The following LRRFIP2 variants were observed in gnomAD, a reference collection of about 807,000 sequenced individuals.
LRRFIP2 encodes leucine-rich repeat flightless-interacting protein 2.
Under a neutral mutation model 125.9 loss-of-function variants are expected in LRRFIP2, and 109 were observed. That is an observed-to-expected ratio of 0.87 (90% confidence interval 0.74 to 1.01). The LOEUF is 1.01. LRRFIP2 is among the 50% of genes least tolerant of loss of function. The pLI is 0.00. For synonymous variants in LRRFIP2, 291 were observed against 293.1 expected, an observed-to-expected ratio of 0.99 and a Z score of 0.07; for missense variants, 850 against 862.3, an observed-to-expected ratio of 0.99 and a Z score of 0.18.
intron 2 of LRRFIP2, among the ~76,000 whole-genome samples, chr3:37,141,558 C>T (rs938874817): frequency 1.3e-4 from 20 of 152,120 alleles, no homozygotes; most frequent in African/African-American, 4.1e-4. Context: ...ACATTTATTT[C>T]GCATTTGATT....
chr3:37,102,508 T>C (rs2094118405), intron 15 of LRRFIP2, among the ~76,000 whole-genome samples: 1 of 150,320 alleles, frequency 6.7e-6, no homozygotes, highest in Non-Finnish European at 1.5e-5. Context: ...CTTTTTTTTT[T>C]TTTTTTTTGA....
chr3:37,109,091 G>T (rs2149407211), intron 11 of LRRFIP2, among the ~76,000 whole-genome samples: 1 of 152,252 alleles, frequency 6.6e-6, no homozygotes, highest in South Asian at 2.1e-4. Context: ...ACAACAAACA[G>T]CTTGAAAGCA....
intron 21 of LRRFIP2, among the ~76,000 whole-genome samples, chr3:37,071,883 AT>A (rs1482348616): frequency 6.6e-6 from 1 of 152,024 alleles, no homozygotes; most frequent in Admixed American, 6.6e-5. Flanking sequence ...ACTGGAGGGA[AT>A]TTTTTCCAGC....
intron 8 of LRRFIP2, 104 bp downstream of exon 8, chr3:37,112,811 T>TGA: frequency 1.7e-6 from 1 of 597,048 alleles, no homozygotes; most frequent in East Asian, 2.8e-5. Context: ...TTTCAGCAGA[T>TGA]TATCAAGTTT....
chr3:37,140,269 C>T (rs1300831599), intron 2 of LRRFIP2: 1 of 152,072 alleles, frequency 6.6e-6, no homozygotes, highest in Non-Finnish European at 1.5e-5. Flanking sequence ...AATCTCTATG[C>T]CCAAGCTAGA....
At chr3:37,151,219 C>T (rs1013421759) in intron 1 of LRRFIP2, among the ~76,000 whole-genome samples, 13 of 151,936 alleles carry the variant, frequency 8.6e-5, no homozygotes, top group South Asian at 4.1e-4. Flanking sequence ...ATTAGCTGGG[C>T]GAGGTGGCAC....
At chr3:37,077,892 A>G (rs1202886534) in intron 19 of LRRFIP2, among the ~76,000 whole-genome samples, 1 of 152,184 alleles carries the variant, frequency 6.6e-6, no homozygotes, top group African/African-American at 2.4e-5. Flanking sequence ...GAAGTAAACC[A>G]GTCAAGAAAA....
At chr3:37,080,833 G>A (rs2092579974) in intron 19 of LRRFIP2, among the ~76,000 whole-genome samples, 1 of 152,062 alleles carries the variant, frequency 6.6e-6, no homozygotes, top group African/African-American at 2.4e-5. Context: ...TCATTCTAAG[G>A]TGTGAAACTT....
At chr3:37,066,144 G>C in intron 22 of LRRFIP2, 80 bp downstream of exon 22, 2 of 1,412,372 alleles carry the variant, frequency 1.4e-6, no homozygotes, top group Non-Finnish European at 2.0e-6. Flanking sequence ...ATTTAGGCTA[G>C]GAAAGATGGC....
In LRRFIP2 at chr3:37,075,034, T is replaced by G. The variant is rs2091829886; in HGVS notation, c.1361A>C (p.Glu454Ala). 2 of 1,611,130 alleles carry G rather than the reference T, an allele frequency of 1.2e-6. No individual in the cohort carries two copies. Among genetic ancestry groups the G allele is most frequent in the African/African-American group, 2.7e-5 (2 of 74,844 alleles). Residue 454 changes from glutamate to alanine, a missense_variant, in exon 20 of 28, where the codon GAG becomes GCG. By Grantham distance (107) the Glu-to-Ala change is moderately radical. Transcript: ENST00000336686. ...AGTTCATGTACATACCTCAATAAGC[T>G]CATCTCTTTGCCGCAGGCCTTCTTT... ...ELKEGLRQRD[E>A]LIEEKQRMQQ... is the part of the protein sequence containing the mutation.
chr3:37,099,051 G>A (rs2093882374), intron 15 of LRRFIP2, among the ~76,000 whole-genome samples: 1 of 152,130 alleles, frequency 6.6e-6, no homozygotes, highest in Admixed American at 6.6e-5. Context: ...TCACAATGTT[G>A]ACTCTATTGC....
chr3:37,089,187 G>A (rs1482851365), intron 18 of LRRFIP2, among the ~76,000 whole-genome samples: 3 of 151,820 alleles, frequency 2.0e-5, no homozygotes, highest in Non-Finnish European at 4.4e-5. Flanking sequence ...TTTTAAAATG[G>A]GTTAATGGGT....
chr3:37,059,517 G>A (rs978164369), intron 24 of LRRFIP2, among the ~76,000 whole-genome samples: 1 of 152,096 alleles, frequency 6.6e-6, no homozygotes, highest in Non-Finnish European at 1.5e-5. Context: ...GGCTGGGCAC[G>A]GTGGCTCACG....
chr3:37,105,589 T>C, intron 13 of LRRFIP2, 66 bp from the exon 14 acceptor site: 1 of 1,187,418 alleles, frequency 8.4e-7, no homozygotes, highest in Non-Finnish European at 1.3e-6. Context: ...TCATTATAAG[T>C]ACATTAAGGA....
intron 1 of LRRFIP2, chr3:37,170,714 T>C (rs2096574223): frequency 6.6e-6 from 1 of 152,174 alleles, no homozygotes; most frequent in South Asian, 2.1e-4. Context: ...AACACTCTCA[T>C]ATAACCAGAA....
chr3:37,109,800 A>G, intron 9 of LRRFIP2, 97 bp from the exon 10 acceptor site: 2 of 1,025,148 alleles, frequency 2.0e-6, no homozygotes, highest in Non-Finnish European at 3.0e-6. Context: ...ATGATTTTAT[A>G]CTCCATAATT....
At chr3:37,089,491 C>T (rs993402321) in intron 18 of LRRFIP2, among the ~76,000 whole-genome samples, 2 of 152,146 alleles carry the variant, frequency 1.3e-5, no homozygotes, top group African/African-American at 4.8e-5. Flanking sequence ...TACCACCATG[C>T]TTGGTCACCA....
At chr3:37,167,482 C>T (rs761991469) in intron 1 of LRRFIP2, among the ~76,000 whole-genome samples, 12 of 150,246 alleles carry the variant, frequency 8.0e-5, no homozygotes, top group Non-Finnish European at 1.2e-4. Flanking sequence ...GGCGAAACCC[C>T]GTCTCTACTG....
chr3:37,142,598 C>G (rs1057232872), intron 2 of LRRFIP2, among the ~76,000 whole-genome samples: 2 of 152,128 alleles, frequency 1.3e-5, no homozygotes, highest in African/African-American at 4.8e-5. Flanking sequence ...CAGTGAAAGA[C>G]TTTATGCATT....
Sources: allele counts gnomAD v4.1 joint callset (sites outside exome capture counted in the v4.1 genomes callset), GRCh38; gene constraint gnomAD v4.1.1; transcripts MANE v1.5; gene names NCBI Gene and HGNC (gene_info 2026-07-23, HGNC 2026-07-21).